RNF212B: variants seen among roughly 807,000 people sequenced by gnomAD.
RNF212B encodes the protein ring finger protein 212B.
A neutral mutation model predicts 55.5 loss-of-function variants in RNF212B; 52 were observed. The ratio of observed to expected loss-of-function variants is 0.94; its 90% CI spans 0.75 to 1.18. The LOEUF is 1.18. Ranked by LOEUF, RNF212B falls within the 50% of genes most tolerant of loss-of-function variation. RNF212B has a pLI of 0.00. For missense variants in RNF212B, 289 were observed against 350.4 expected (o/e 0.82, Z 1.40); for synonymous variants, 99 against 121.4 (o/e 0.82, Z 1.21).
intron 2 of RNF212B, among the ~76,000 whole-genome samples, chr14:23,215,844 G>A (rs1277219200): frequency 6.6e-6 from 1 of 152,150 alleles, no homozygotes; most frequent in African/African-American, 2.4e-5. Context: ...CCTTCTCCTA[G>A]TCCTTATCCA....
At chr14:23,191,864 T>G (rs1878150019) in intron 1 of RNF212B, among the ~76,000 whole-genome samples, 1 of 152,252 alleles carries the variant, frequency 6.6e-6, no homozygotes, top group Non-Finnish European at 1.5e-5. Context: ...TTATTCGATA[T>G]TCATTGTATA....
chr14:23,251,585 G>T (rs1232976248), intron 4 of RNF212B, among the ~76,000 whole-genome samples: 1 of 152,232 alleles, frequency 6.6e-6, no homozygotes. Flanking sequence ...GGAGGCTGAG[G>T]CGGGCAGATC....
chr14:23,260,516 G>T, intron 6 of RNF212B, 143 bp from the exon 7 acceptor site: 1 of 714,568 alleles, frequency 1.4e-6, no homozygotes. Flanking sequence ...AGGAAATACT[G>T]CTGCTACTTT....
intron 2 of RNF212B, among the ~76,000 whole-genome samples, chr14:23,227,142 G>C (rs943480822): frequency 6.6e-6 from 1 of 151,932 alleles, no homozygotes; most frequent in African/African-American, 2.4e-5. Flanking sequence ...GGAAATAAAT[G>C]AGTCAAGGGT....
chr14:23,224,691 G>A (rs563440681), intron 2 of RNF212B, among the ~76,000 whole-genome samples: 34 of 152,208 alleles, frequency 2.2e-4, no homozygotes, highest in African/African-American at 6.7e-4. Flanking sequence ...ACACTGGTCC[G>A]GGCAAAAATT....
At chr14:23,218,281 T>C (rs1399362210) in intron 2 of RNF212B, among the ~76,000 whole-genome samples, 4 of 151,864 alleles carry the variant, frequency 2.6e-5, no homozygotes, top group Non-Finnish European at 5.9e-5. Context: ...GACAGGAGAA[T>C]TGCTTGAACC....
intron 4 of RNF212B, among the ~76,000 whole-genome samples, chr14:23,247,442 C>T (rs1884070494): frequency 6.7e-6 from 1 of 149,148 alleles, no homozygotes; most frequent in Admixed American, 6.7e-5. Flanking sequence ...CAGGCGATCA[C>T]TAATTTACTT....
chr14:23,245,121 G>T (rs1362442842), intron 4 of RNF212B, among the ~76,000 whole-genome samples: 1 of 152,062 alleles, frequency 6.6e-6, no homozygotes, highest in East Asian at 1.9e-4. Flanking sequence ...TTTTATCACT[G>T]TTCCCTTTCT....
intron 2 of RNF212B, among the ~76,000 whole-genome samples, chr14:23,229,759 C>CT (rs1041066248): frequency 2.0e-5 from 3 of 151,746 alleles, no homozygotes; most frequent in East Asian, 1.9e-4. Context: ...TTGAGTTGTT[C>CT]TTTTTTTTGA....
chr14:23,211,122 G>A (rs146268322), intron 2 of RNF212B, among the ~76,000 whole-genome samples: 3,876 of 151,974 alleles, frequency 0.026, 162 homozygotes, highest in African/African-American at 0.088. Flanking sequence ...GGAGGCTGAG[G>A]CAGGAGAATT....
intron 14 of RNF212B, among the ~76,000 whole-genome samples, chr14:23,271,201 G>A (rs1341606140): frequency 6.6e-6 from 1 of 152,158 alleles, no homozygotes; most frequent in African/African-American, 2.4e-5. Context: ...CACTTTGGGA[G>A]GCCGAGGCAG....
chr14:23,209,242 GT>G (rs1880240055), intron 2 of RNF212B, among the ~76,000 whole-genome samples: 1 of 152,156 alleles, frequency 6.6e-6, no homozygotes, highest in Non-Finnish European at 1.5e-5. Context: ...AGCCATTTTG[GT>G]TTTGGTGGGT....
chr14:23,243,355 C>T (rs1384143614), intron 3 of RNF212B, 47 bp downstream of exon 3: 2 of 1,440,854 alleles, frequency 1.4e-6, no homozygotes, highest in South Asian at 2.5e-5. Context: ...CCATTCCTGG[C>T]CTGTAGGAAG....
intron 2 of RNF212B, among the ~76,000 whole-genome samples, chr14:23,218,012 C>A (rs1325229186): frequency 6.6e-6 from 1 of 152,008 alleles, no homozygotes; most frequent in Non-Finnish European, 1.5e-5. Context: ...ATTCAGAATT[C>A]TATTAGATAC....
intron 2 of RNF212B, among the ~76,000 whole-genome samples, chr14:23,201,601 T>C (rs983006799): frequency 6.6e-6 from 1 of 152,190 alleles, no homozygotes; most frequent in Non-Finnish European, 1.5e-5. Context: ...TTTTGGACTT[T>C]AGGGAATGTA....
Position 23,229,220 on chromosome 14 carries a change from T to TTATATATATATATATA in RNF212B, c.-1-11098_-1-11083dup, listed in dbSNP as rs61656270. 1.4e-3 allele frequency among the ~76,000 whole-genome samples: 94 copies of TTATATATATATATATA among 64,954 alleles called. 5 individuals are homozygous for TTATATATATATATATA. Among genetic ancestry groups the TTATATATATATATATA allele is most frequent in the South Asian group, 2.0e-3 (2 of 988 alleles). 42.6% of individuals were successfully genotyped at this position (64,954 alleles called of 152,430 possible). On this transcript the variant is annotated intron_variant, in intron 2 of 15. Transcript: ENST00000399910. ...ATTTCCTTTATGGCTGAATAATATT[T>TTATATATATATATATA]TATATATATATATATATATATATAT...
intron 5 of RNF212B, 57 bp from the exon 6 acceptor site, chr14:23,259,827 A>T: frequency 1.1e-6 from 1 of 910,648 alleles, no homozygotes; most frequent in Non-Finnish European, 1.6e-6. Context: ...TAATAATAAA[A>T]AATCAGGTTT....
chr14:23,230,664 A>C (rs1173963883), intron 2 of RNF212B, among the ~76,000 whole-genome samples: 3 of 149,664 alleles, frequency 2.0e-5, no homozygotes, highest in Non-Finnish European at 4.4e-5. Context: ...AAAAAAAAAA[A>C]AAAAAAAAAA....
At chr14:23,232,571 C>T (rs1882750690) in intron 2 of RNF212B, among the ~76,000 whole-genome samples, 1 of 151,256 alleles carries the variant, frequency 6.6e-6, no homozygotes, top group Non-Finnish European at 1.5e-5. Context: ...CCCCGCCCAG[C>T]AGCCACCCCG....
Sources: allele counts gnomAD v4.1 joint callset (sites outside exome capture counted in the v4.1 genomes callset), GRCh38; gene constraint gnomAD v4.1.1; transcripts MANE v1.5; gene names NCBI Gene and HGNC (gene_info 2026-07-23, HGNC 2026-07-21).